Variants in ASAH1 observed in about 807,000 individuals in gnomAD.
ASAH1 encodes the protein N-acylsphingosine amidohydrolase 1.
In ASAH1, 70 loss-of-function variants were observed where a neutral mutation model predicts 59.5. The ratio of observed to expected loss-of-function variants is 1.18; its 90% CI spans 0.97 to 1.43. ASAH1 has a LOEUF of 1.43. ASAH1 is among the 40% of genes most tolerant of loss of function. The pLI, the probability that ASAH1 is intolerant of heterozygous loss-of-function variation, is 0.00. For missense variants in ASAH1, 660 were observed against 482.5 expected, an observed-to-expected ratio of 1.37 and a Z score of -3.45; for synonymous variants, 213 against 166.5, an observed-to-expected ratio of 1.28 and a Z score of -2.15.
At chr8:18,082,992 C>G (rs774560266) in intron 1 of ASAH1, 3 of 152,148 alleles carry the variant, frequency 2.0e-5, no homozygotes, top group Non-Finnish European at 4.4e-5. Flanking sequence ...ATTCTGGATT[C>G]TACTTTTATC....
chr8:18,077,337 TCAAC>T (rs1339518839), intron 1 of ASAH1, among the ~76,000 whole-genome samples: 1 of 152,248 alleles, frequency 6.6e-6, no homozygotes, highest in Non-Finnish European at 1.5e-5. Context: ...GTGAATTTGC[TCAAC>T]TCCGCCTTTT....
intron 1 of ASAH1, among the ~76,000 whole-genome samples, chr8:18,081,408 G>A (rs1382499231): frequency 6.6e-6 from 1 of 152,108 alleles, no homozygotes; most frequent in Admixed American, 6.5e-5. Context: ...AAGTGAAAAT[G>A]TTATCTTGTC....
chr8:18,084,796 G>A (rs763514683), upstream of ASAH1: 1 of 1,613,498 alleles, frequency 6.2e-7, no homozygotes, highest in African/African-American at 1.3e-5. Context: ...CGATGCAGCA[G>A]TTCATTAAGC....
rs1799512219 is a variant in ASAH1, at chr8:18,057,357, AG to A, written c.*176del. 5 of 380,186 alleles carry A rather than the reference AG, an allele frequency of 1.3e-5. No individual in the cohort carries two copies. The East Asian group carries it at 2.3e-4, about 17-fold the overall frequency. The allele number at this position is 380,186 out of a possible 1,614,324, so 23.6% of individuals were successfully genotyped here. A position where few individuals can be genotyped will look rare whatever the true frequency, so the allele number is the denominator to read the frequency against. ...CTGTAAATAAGAAAAATCAACTGAT[AG>A]GGGGAAAAAAAAAAGATCTGTCATT... On this transcript the variant is annotated 3_prime_UTR_variant, in exon 14 of 14. Transcript: ENST00000637790.
intron 1 of ASAH1, among the ~76,000 whole-genome samples, chr8:18,080,693 G>A (rs1037898599): frequency 3.3e-5 from 5 of 152,146 alleles, no homozygotes; most frequent in Non-Finnish European, 7.3e-5. Context: ...GAGTAGCTGG[G>A]ACTACAGGCG....
chr8:18,084,654 C>T (rs769861629), upstream of ASAH1: 1 of 1,612,998 alleles, frequency 6.2e-7, no homozygotes, highest in South Asian at 1.1e-5. Flanking sequence ...CACTCGGGTC[C>T]TCCAAGCTGT....
chr8:18,084,882 G>T, upstream of ASAH1: 1 of 1,573,326 alleles, frequency 6.4e-7, no homozygotes, highest in Non-Finnish European at 8.6e-7. Context: ...GCGGACGCGA[G>T]TAGCTCGGCA....
At position 18,057,398 on chromosome 8, in the gene ASAH1, C is replaced by T. The variant is rs116919200; in HGVS notation, c.*136G>A. 3.5e-4 allele frequency: 205 copies of T among 593,446 alleles called. No individual in the cohort carries two copies. The East Asian group carries it at 6.5e-3, about 19-fold the overall frequency. The allele number at this position is 593,446 out of a possible 1,614,324, so 36.8% of individuals were successfully genotyped here. A position where few individuals can be genotyped will look rare whatever the true frequency, so the allele number is the denominator to read the frequency against. On this transcript the variant is annotated 3_prime_UTR_variant, in exon 14 of 14. Transcript: ENST00000637790. ...GATCTGTCATTTGTCAACAGATGGA[C>T]GAAGACAAGCTATTGACTCAAAGAG...
intron 2 of ASAH1, chr8:18,073,227 T>A: frequency 6.4e-7 from 1 of 1,557,646 alleles, no homozygotes; most frequent in Non-Finnish European, 8.8e-7. Flanking sequence ...TGCGCCTCCA[T>A]TTCCCCATAA....
chr8:18,068,492 G>A (rs1000066908), intron 4 of ASAH1: 2 of 152,196 alleles, frequency 1.3e-5, no homozygotes, highest in South Asian at 2.1e-4. Context: ...GAGGGATAAT[G>A]GGTTTGGTGC....
At chr8:18,078,170 T>C (rs1800490710) in intron 1 of ASAH1, among the ~76,000 whole-genome samples, 1 of 152,240 alleles carries the variant, frequency 6.6e-6, no homozygotes, top group Non-Finnish European at 1.5e-5. Context: ...TAATGACTCC[T>C]ATCCCTTCCT....
intron 5 of ASAH1, 129 bp from the exon 6 acceptor site, chr8:18,064,660 C>T (rs750224086): frequency 5.1e-5 from 33 of 650,806 alleles, no homozygotes; most frequent in Middle Eastern, 4.1e-4. Flanking sequence ...TGTGCTGGAA[C>T]GGCCGGCTGG....
upstream of ASAH1, chr8:18,084,488 G>T: frequency 4.6e-6 from 6 of 1,316,350 alleles, no homozygotes; most frequent in Non-Finnish European, 6.1e-6. Context: ...CCCACGAAAC[G>T]GATCCAAAGA....
chr8:18,071,333 T>C lies in ASAH1; in HGVS notation c.183A>G (p.Arg61=), dbSNP rs559209309. The change falls in exon 3 of 14, where the codon AGA becomes AGG. Residue 61 remains arginine, a synonymous_variant. Transcript: ENST00000637790. The part of the protein sequence containing the change: ...TINLDLPPYK[R]WHELMLDKAP... ...CCTTGTCAAGCATCAATTCATGCCA[T>C]CTTTTGTAGGGTGGTAAGTCAAGAT... 197 of 1,604,740 alleles carry C rather than the reference T, an allele frequency of 1.2e-4. 4 individuals carry two copies. In the South Asian group the frequency reaches 1.9e-3, roughly 16 times the overall value.
rs374187681 is a variant in ASAH1 at position 18,061,444 on chromosome 8, T to G, written c.718A>C (p.Ile240Leu). The G allele has an allele frequency of 8.7e-5, 140 of 1,612,400 alleles. 1 individual carries two copies. The highest frequency in any genetic ancestry group is 3.3e-4 in the Middle Eastern group (2 of 6,084). ...NGGYLGILEW[I>L]LGKKDVMWIG... ...CACATGACATCTTTCTTTCCCAGAA[T>G]CCATTCTAGAATACCTGGAAGAGAT... The change falls in exon 10 of 14, where the codon ATT becomes CTT. Residue 240 changes from isoleucine (I) to leucine (L), a missense_variant. Physicochemically the swap from Ile to Leu is conservative, Grantham distance 5 (BLOSUM62 2). Coordinates refer to ENST00000637790, the MANE Select transcript of ASAH1 (RefSeq NM_177924.5).
Position 18,071,314 on chromosome 8 carries a change from C to G in ASAH1, c.202G>C (p.Asp68His), listed in dbSNP as rs375066686. 27 of 1,591,726 alleles carry G rather than the reference C, an allele frequency of 1.7e-5. No individual in the cohort carries two copies. The African/African-American group carries it at 3.1e-4, about 18-fold the overall frequency. The change falls in exon 3 of 14, where the codon GAC becomes CAC. Residue 68 changes from aspartate (D) to histidine (H), a missense_variant. By Grantham distance (81) the Asp-to-His change is moderately conservative (BLOSUM62 -1). Transcript: ENST00000637790. ...TCATAGCATACCACTGGTGCCTTGT[C>G]AAGCATCAATTCATGCCATCTTTTG... Reference protein sequence around the residue: ...PYKRWHELMLDKAPVLKVIVN... With the variant: ...PYKRWHELMLHKAPVLKVIVN...
At position 18,084,061 on chromosome 8, in the gene ASAH1, C is replaced by G; in HGVS notation, c.-3G>C. On this transcript the variant is annotated 5_prime_UTR_variant, in exon 1 of 14. Coordinates refer to ENST00000637790, the MANE Select transcript of ASAH1 (RefSeq NM_177924.5). The stretch of plus-strand genomic sequence containing the variant: ...GCGACGCAACTCCGGCCCGGCATCG[C>G]TCTAGCAGCCAACGCCACTCCCCGG... The G allele has an allele frequency of 1.3e-6, 2 of 1,598,600 alleles. No individual in the cohort carries two copies. The highest frequency in any genetic ancestry group is 8.5e-7 in the Non-Finnish European group (1 of 1,179,664).
chr8:18,084,027 A>G lies in ASAH1; in HGVS notation c.32T>C (p.Leu11Pro). The G allele has an allele frequency of 7.5e-6, 12 of 1,598,694 alleles. No individual in the cohort carries two copies. The highest frequency in any genetic ancestry group is 1.0e-5 in the Non-Finnish European group (12 of 1,179,652). ...GGCACAGCTGACGGCGGCAGCCAGG[A>G]GGACTAAGGCGACGCAACTCCGGCC... MPGRSCVALVLLAAAVSCAVA... is the reference protein window; with the variant it reads MPGRSCVALVPLAAAVSCAVA... Residue 11 changes from leucine to proline, a missense_variant, in exon 1 of 14, where the codon CTC becomes CCC. Leu to Pro is a moderately conservative substitution (Grantham distance 98, BLOSUM62 -3). Coordinates refer to ENST00000637790, the MANE Select transcript of ASAH1 (RefSeq NM_177924.5).
intron 2 of ASAH1, among the ~76,000 whole-genome samples, chr8:18,072,639 T>C (rs191051834): frequency 6.3e-4 from 96 of 152,354 alleles, no homozygotes; most frequent in Non-Finnish European, 7.6e-4. Context: ...ACAATACTTA[T>C]ATTCTAGAAA....
Sources: allele counts gnomAD v4.1 joint callset (sites outside exome capture counted in the v4.1 genomes callset), GRCh38; gene constraint gnomAD v4.1.1; transcripts MANE v1.5; gene names NCBI Gene and HGNC (gene_info 2026-07-23, HGNC 2026-07-21).